The following DYM variants were observed in gnomAD, a reference collection of about 807,000 sequenced individuals.
DYM encodes the protein dyggve-Melchior-Clausen syndrome protein.
Under a neutral mutation model 93.1 loss-of-function variants are expected in DYM, and 78 were observed. That is an observed-to-expected ratio of 0.84 (90% CI 0.70 to 1.01). The LOEUF is 1.01. Ranked by LOEUF, DYM falls within the 50% of genes least tolerant of loss-of-function variation. The pLI is 0.00. For synonymous variants in DYM, 321 were observed against 319.7 expected (o/e 1.00, Z -0.04); for missense variants, 789 against 845.0 (o/e 0.93, Z 0.82).
At chr18:49,080,389 A>AC (rs1328538296) in intron 17 of DYM, among the ~76,000 whole-genome samples, 18 of 108,710 alleles carry the variant, frequency 1.7e-4, no homozygotes, top group South Asian at 7.4e-4. Flanking sequence ...CGAGGGGCTG[A>AC]GCCCCCCACC....
At chr18:49,410,205 A>G (rs2072063676) in intron 2 of DYM, among the ~76,000 whole-genome samples, 1 of 152,102 alleles carries the variant, frequency 6.6e-6, no homozygotes, top group South Asian at 2.1e-4. Context: ...AGCCAAGACT[A>G]CAGGTGTGTG....
chr18:49,219,000 G>A (rs2093216030), intron 13 of DYM, among the ~76,000 whole-genome samples: 1 of 152,158 alleles, frequency 6.6e-6, no homozygotes, highest in Non-Finnish European at 1.5e-5. Context: ...AAAATTGATA[G>A]ACCGCTAGCA....
rs117903006 is a variant in DYM at position 49,306,946 on chromosome 18, G to A, written c.764-20330C>T. ...AGGACACAAACTGGTACCCAGAAAG[G>A]GAGAAGTATAATACATGGTTCTCTC... On this transcript the variant is annotated intron_variant, in intron 8 of 17. Coordinates refer to ENST00000675505, the MANE Select transcript of DYM (RefSeq NM_001353214.3). Among the ~76,000 whole-genome samples, 38 of 152,172 alleles carry A rather than the reference G, an allele frequency of 2.5e-4. No homozygotes were observed. In the East Asian group the frequency reaches 5.8e-3, roughly 23 times the overall value.
chr18:49,084,078 T>C lies in DYM; in HGVS notation c.2025+13324A>G, dbSNP rs926601223. Among the ~76,000 whole-genome samples, 3 of 152,188 alleles carry C rather than the reference T, an allele frequency of 2.0e-5. No individual in the cohort carries two copies. The South Asian group carries it at 6.2e-4, about 31-fold the overall frequency. On this transcript the variant is annotated intron_variant, in intron 17 of 17. Coordinates refer to ENST00000675505, the MANE Select transcript of DYM (RefSeq NM_001353214.3). ...TAGTTTCTTAAGGTAGAAGCTTAGA[T>C]TATCTGATGTTTTCTTTTATTCTAA...
intron 17 of DYM, among the ~76,000 whole-genome samples, chr18:49,057,586 C>T (rs1650712976): frequency 6.6e-6 from 1 of 152,214 alleles, no homozygotes. Context: ...GAAGCTGCAC[C>T]AGGCACACCA....
chr18:49,335,231 A>G (rs982520664), intron 6 of DYM, among the ~76,000 whole-genome samples: 1 of 152,244 alleles, frequency 6.6e-6, no homozygotes, highest in South Asian at 2.1e-4. Flanking sequence ...CTCTACTCAG[A>G]AATCTGACTT....
chr18:49,271,690 A>AT (rs2094703622), intron 11 of DYM, among the ~76,000 whole-genome samples: 1 of 151,908 alleles, frequency 6.6e-6, no homozygotes, highest in Non-Finnish European at 1.5e-5. Flanking sequence ...AAATAAAAAA[A>AT]TGCCAAAGAG....
chr18:49,384,624 CAAA>C (rs67349630), intron 3 of DYM, among the ~76,000 whole-genome samples: 1 of 126,900 alleles, frequency 7.9e-6, no homozygotes. Context: ...CACTCCATCT[CAAA>C]AAAAAAAAAA....
chr18:49,069,222 C>T (rs1445809880), intron 17 of DYM, among the ~76,000 whole-genome samples: 1 of 152,188 alleles, frequency 6.6e-6, no homozygotes, highest in Non-Finnish European at 1.5e-5. Flanking sequence ...CCAAATCATA[C>T]ATTAAAGTCA....
At chr18:49,239,848 A>C (rs1372276444) in intron 13 of DYM, among the ~76,000 whole-genome samples, 1 of 152,236 alleles carries the variant, frequency 6.6e-6, no homozygotes, top group Non-Finnish European at 1.5e-5. Flanking sequence ...GTTTTAAGCC[A>C]CTAAGTTTTG....
intron 2 of DYM, among the ~76,000 whole-genome samples, chr18:49,395,621 CTCTG>C (rs1028978862): frequency 6.7e-6 from 1 of 150,138 alleles, no homozygotes; most frequent in African/African-American, 2.5e-5. Flanking sequence ...AAGAGCAAAA[CTCTG>C]TCTAAAAAAA....
chr18:49,310,416 G>T (rs1357763012), intron 8 of DYM, among the ~76,000 whole-genome samples: 2 of 152,254 alleles, frequency 1.3e-5, no homozygotes, highest in South Asian at 4.1e-4. Context: ...ATGAGTAACT[G>T]CCAGTATTAC....
chr18:49,285,324 C>G (rs186896015), intron 9 of DYM, among the ~76,000 whole-genome samples: 1 of 152,146 alleles, frequency 6.6e-6, no homozygotes, highest in East Asian at 1.9e-4. Context: ...CATGGCACAG[C>G]CCATCAGAAG....
At chr18:49,340,817 A>G (rs2064057274) in intron 6 of DYM, among the ~76,000 whole-genome samples, 1 of 152,254 alleles carries the variant, frequency 6.6e-6, no homozygotes, top group Non-Finnish European at 1.5e-5. Flanking sequence ...AATAACATTT[A>G]ATAAAATAAA....
chr18:49,244,250 A>C (rs950641406), intron 13 of DYM, among the ~76,000 whole-genome samples: 1 of 152,132 alleles, frequency 6.6e-6, no homozygotes, highest in African/African-American at 2.4e-5. Context: ...GCTGGACTTG[A>C]TTTTCTCATG....
intron 17 of DYM, among the ~76,000 whole-genome samples, chr18:49,069,339 G>A (rs1447724071): frequency 6.6e-6 from 1 of 152,166 alleles, no homozygotes; most frequent in Non-Finnish European, 1.5e-5. Context: ...AGTTCAGACT[G>A]GCACCTTGAG....
chr18:49,067,082 G>C (rs2076450035), intron 17 of DYM, among the ~76,000 whole-genome samples: 1 of 148,752 alleles, frequency 6.7e-6, no homozygotes, highest in African/African-American at 2.5e-5. Flanking sequence ...TGTAGATAAT[G>C]AGCACTATGG....
intron 5 of DYM, among the ~76,000 whole-genome samples, chr18:49,364,469 GA>G: frequency 6.6e-6 from 1 of 151,300 alleles, no homozygotes; most frequent in South Asian, 2.1e-4. Context: ...AAGAAAGAAA[GA>G]AAACTGACTC....
chr18:49,432,864 T>G (rs1398887251), intron 1 of DYM, among the ~76,000 whole-genome samples: 1 of 152,156 alleles, frequency 6.6e-6, no homozygotes, highest in Non-Finnish European at 1.5e-5. Context: ...TCAACCACAG[T>G]GCTGACATTA....
Sources: gnomAD v4.1 joint callset for allele counts (sites outside exome capture counted in the v4.1 genomes callset) on GRCh38, gnomAD v4.1.1 for gene constraint, MANE v1.5 for transcripts, NCBI Gene and HGNC (gene_info 2026-07-23, HGNC 2026-07-21) for gene names.